The following SMAP1 variants were observed in gnomAD, a reference collection of about 807,000 sequenced individuals.
The protein encoded by SMAP1 is small ArfGAP 1.
A neutral mutation model predicts 58.5 loss-of-function variants in SMAP1; 24 were observed. The ratio of observed to expected loss-of-function variants is 0.41; its 90% CI spans 0.30 to 0.58. The LOEUF (loss-of-function observed/expected upper bound fraction) is 0.58. Among genes scored for constraint, SMAP1 ranks in the 20% least tolerant of loss-of-function variants. SMAP1 has a pLI of 0.29. For synonymous variants in SMAP1, 216 were observed against 196.6 expected (o/e 1.10, Z -0.82); for missense variants, 563 against 566.3 (o/e 0.99, Z 0.06).
chr6:70,859,358 G>A, intron 10 of SMAP1: 2 of 1,548,180 alleles, frequency 1.3e-6, no homozygotes, highest in Non-Finnish European at 1.7e-6. Flanking sequence ...CTGTTCTCCA[G>A]CACTCCATCA....
intron 6 of SMAP1, among the ~76,000 whole-genome samples, chr6:70,821,595 C>T (rs1187454440): frequency 6.6e-6 from 1 of 152,168 alleles, no homozygotes; most frequent in African/African-American, 2.4e-5. Flanking sequence ...GAAGAAAGCT[C>T]TTTCAGCCAA....
At chr6:70,673,532 G>A (rs1766354038) in intron 1 of SMAP1, among the ~76,000 whole-genome samples, 1 of 152,168 alleles carries the variant, frequency 6.6e-6, no homozygotes, top group Non-Finnish European at 1.5e-5. Context: ...TTTTCATTAA[G>A]TCTTTGATAT....
chr6:70,707,328 T>A (rs1767879624), intron 1 of SMAP1, among the ~76,000 whole-genome samples: 1 of 152,156 alleles, frequency 6.6e-6, no homozygotes, highest in African/African-American at 2.4e-5. Context: ...CTTAAATTGG[T>A]AATCCTAAAT....
chr6:70,755,310 C>G (rs1336912010), intron 3 of SMAP1, among the ~76,000 whole-genome samples: 1 of 151,734 alleles, frequency 6.6e-6, no homozygotes, highest in African/African-American at 2.4e-5. Context: ...GATTACAGAC[C>G]CCTGATTCAC....
intron 2 of SMAP1, among the ~76,000 whole-genome samples, chr6:70,749,586 A>C (rs978373991): frequency 6.6e-6 from 1 of 151,764 alleles, no homozygotes; most frequent in Non-Finnish European, 1.5e-5. Flanking sequence ...TTTTTCCCCC[A>C]CTTACCTCAT....
chr6:70,835,581 A>C (rs1346537800), intron 6 of SMAP1, among the ~76,000 whole-genome samples: 8 of 152,090 alleles, frequency 5.3e-5, no homozygotes, highest in Non-Finnish European at 1.2e-4. Flanking sequence ...ATCATAGCTC[A>C]CTGCAGCCTT....
intron 6 of SMAP1, among the ~76,000 whole-genome samples, chr6:70,799,013 C>T (rs997937134): frequency 1.3e-5 from 2 of 151,996 alleles, no homozygotes; most frequent in Non-Finnish European, 2.9e-5. Context: ...AGCTTTCATA[C>T]ACAATCAGAC....
intron 1 of SMAP1, among the ~76,000 whole-genome samples, chr6:70,729,082 C>T (rs1315160341): frequency 1.3e-5 from 2 of 152,086 alleles, no homozygotes; most frequent in South Asian, 2.1e-4. Flanking sequence ...TTCATTTTCT[C>T]CCTAAGATTT....
intron 2 of SMAP1, among the ~76,000 whole-genome samples, chr6:70,737,003 C>G (rs1452109075): frequency 6.6e-6 from 1 of 152,226 alleles, no homozygotes; most frequent in East Asian, 1.9e-4. Flanking sequence ...CTGGCTTCAT[C>G]ATTTGTCTTT....
At position 70,858,144 on chromosome 6, in the gene SMAP1, A is replaced by T; in HGVS notation, c.1184A>T (p.Gln395Leu). 1 of 1,614,022 alleles carries T rather than the reference A, an allele frequency of 6.2e-7. No homozygotes were observed. The highest frequency in any genetic ancestry group is 8.5e-7 in the Non-Finnish European group (1 of 1,179,980). ...CTTCCTCAGAACGTTGTTGGCCCCC[A>T]AGGAGGAATGGTGGGACAAATGGGT... ...MPLPQNVVGP[Q>L]GGMVGQMGAP... Residue 395 changes from glutamine to leucine, a missense_variant, in exon 10 of 11, where the codon CAA becomes CTA. Physicochemically the swap from Gln to Leu is moderately radical, Grantham distance 113. Around this residue, in one of 3 missense-constraint regions of SMAP1, gnomAD observed 494 missense variants for 473.8 expected, o/e 1.04. Coordinates refer to ENST00000370455, the MANE Select transcript of SMAP1 (RefSeq NM_001044305.3).
At chr6:70,847,357 T>A (rs1243045466) in intron 7 of SMAP1, among the ~76,000 whole-genome samples, 1 of 152,180 alleles carries the variant, frequency 6.6e-6, no homozygotes, top group Non-Finnish European at 1.5e-5. Context: ...ATTTTAACAA[T>A]TTTTTTCTGC....
chr6:70,818,595 G>A (rs149735561), intron 6 of SMAP1, among the ~76,000 whole-genome samples: 187 of 152,242 alleles, frequency 1.2e-3, no homozygotes, highest in African/African-American at 4.0e-3. Flanking sequence ...CCTGCTTCCC[G>A]TAGTCATCTC....
intron 4 of SMAP1, among the ~76,000 whole-genome samples, chr6:70,783,204 A>C (rs1318525330): frequency 6.6e-6 from 1 of 152,198 alleles, no homozygotes; most frequent in Non-Finnish European, 1.5e-5. Flanking sequence ...TCTGGAGTGG[A>C]CCTCTAGCAA....
chr6:70,805,254 C>G (rs1308783785), intron 6 of SMAP1, among the ~76,000 whole-genome samples: 1 of 152,096 alleles, frequency 6.6e-6, no homozygotes, highest in Non-Finnish European at 1.5e-5. Flanking sequence ...TTAATTTGAT[C>G]TTCAATCACT....
chr6:70,758,312 C>T (rs1436273831), intron 3 of SMAP1, among the ~76,000 whole-genome samples: 8 of 144,076 alleles, frequency 5.6e-5, no homozygotes, highest in Middle Eastern at 3.7e-3. Flanking sequence ...TAGGTGGGAA[C>T]TGAACAATGA....
chr6:70,828,007 GAT>G (rs1770205512), intron 6 of SMAP1, among the ~76,000 whole-genome samples: 1 of 152,072 alleles, frequency 6.6e-6, no homozygotes. Context: ...GAATAAATAA[GAT>G]ATTGGGAATA....
At position 70,822,838 on chromosome 6, in the gene SMAP1, GT is replaced by G. The variant is rs550803429; in HGVS notation, c.577-14093del. Among the ~76,000 whole-genome samples the G allele has an allele frequency of 1.1e-4, 16 of 147,500 alleles. No homozygotes were observed. In the East Asian group the frequency reaches 2.6e-3, roughly 24 times the overall value. On this transcript the variant is annotated intron_variant, in intron 6 of 10. Transcript: ENST00000370455. The stretch of plus-strand genomic sequence containing the variant: ...GGATATTCTTTTCCATTTCTTCAGT[GT>G]TTTTTTTTTCCTTTGCTTTTCTGTT...
intron 2 of SMAP1, among the ~76,000 whole-genome samples, chr6:70,738,157 G>C (rs147316737): frequency 6.6e-6 from 1 of 152,230 alleles, no homozygotes; most frequent in East Asian, 1.9e-4. Context: ...AGATGACTCT[G>C]AAGTTTCTTC....
intron 1 of SMAP1, among the ~76,000 whole-genome samples, chr6:70,688,412 A>C (rs1392080328): frequency 6.6e-6 from 1 of 152,218 alleles, no homozygotes; most frequent in Non-Finnish European, 1.5e-5. Flanking sequence ...CATTTTATAC[A>C]TCTACTAATG....
Sources: allele counts gnomAD v4.1 joint callset (sites outside exome capture counted in the v4.1 genomes callset), GRCh38; gene constraint gnomAD v4.1.1; regional missense constraint gnomAD v4.1.1; transcripts MANE v1.5; gene names NCBI Gene and HGNC (gene_info 2026-07-23, HGNC 2026-07-21).